COL19A1: variants seen among roughly 807,000 people sequenced by gnomAD.
COL19A1 encodes collagen type XIX alpha 1 chain.
Under a neutral mutation model 190.2 loss-of-function variants are expected in COL19A1, and 159 were observed. The observed-to-expected ratio is 0.84, with a 90% CI of 0.73 to 0.95. The LOEUF (loss-of-function observed/expected upper bound fraction) is 0.95. Among genes scored for constraint, COL19A1 ranks in the 40% least tolerant of loss-of-function variants. The pLI is 0.00. For synonymous variants in COL19A1, 509 were observed against 458.9 expected (o/e 1.11, Z -1.39); for missense variants, 1,418 against 1,431.9 (o/e 0.99, Z 0.16).
At chr6:69,901,977 G>C (rs1770221390) in intron 4 of COL19A1, among the ~76,000 whole-genome samples, 1 of 152,216 alleles carries the variant, frequency 6.6e-6, no homozygotes, top group East Asian at 1.9e-4. Flanking sequence ...TATTAGGCAA[G>C]ACTTGGAATT....
Position 70,145,106 on chromosome 6 carries a change from G to A in COL19A1, c.1770+99G>A, listed in dbSNP as rs1179327560. The A allele has an allele frequency of 5.5e-6, 5 of 906,186 alleles. No individual in the cohort carries two copies. The South Asian group carries it at 6.0e-5, about 11-fold the overall frequency. The allele number at this position is 906,186 out of a possible 1,614,324, so 56.1% of individuals were successfully genotyped here. A position where few individuals can be genotyped will look rare whatever the true frequency, so the allele number is the denominator to read the frequency against. ...ATCACAAGTATGGGAATAAGTTTAG[G>A]TCTGCAAAAAAAGGAAAAAAGAACT... On this transcript the variant is annotated intron_variant, in intron 25 of 50. Transcript: ENST00000620364.
rs1233569269 is a variant in COL19A1 at position 70,123,219 on chromosome 6, A to T, written c.1341+1277A>T. 4.6e-5 allele frequency among the ~76,000 whole-genome samples: 7 copies of T among 152,180 alleles called. No individual in the cohort carries two copies. The East Asian group carries it at 1.3e-3, about 29-fold the overall frequency. On this transcript the variant is annotated intron_variant, in intron 17 of 50. Transcript: ENST00000620364. Reference sequence around the variant, plus strand: ...AACATATGAAAAAATGCTCACCATCACTGGCCATCAGAGAAATGCAAATCA... The same window carrying T: ...AACATATGAAAAAATGCTCACCATCTCTGGCCATCAGAGAAATGCAAATCA...
chr6:70,060,235 G>A (rs1023362807), intron 14 of COL19A1, among the ~76,000 whole-genome samples: 1 of 152,188 alleles, frequency 6.6e-6, no homozygotes, highest in Non-Finnish European at 1.5e-5. Flanking sequence ...ATTATATAAA[G>A]AGCAGATGCC....
chr6:70,180,230 CA>C, intron 42 of COL19A1, 81 bp from the exon 43 acceptor site: 1 of 1,516,898 alleles, frequency 6.6e-7, no homozygotes, highest in Admixed American at 1.7e-5. Context: ...ACTATAAACT[CA>C]ATTGGGGTTG....
At chr6:70,130,673 C>A (rs558466233) in intron 18 of COL19A1, among the ~76,000 whole-genome samples, 352 of 152,362 alleles carry the variant, frequency 2.3e-3, no homozygotes, top group Non-Finnish European at 3.8e-3. Flanking sequence ...CCGCCTGCCT[C>A]CTGACCAGGC....
At chr6:70,195,248 G>T (rs1429541321) in intron 48 of COL19A1, among the ~76,000 whole-genome samples, 1 of 150,702 alleles carries the variant, frequency 6.6e-6, no homozygotes, top group Non-Finnish European at 1.5e-5. Flanking sequence ...CAACTCTGTT[G>T]TTCAGTTTGT....
intron 4 of COL19A1, among the ~76,000 whole-genome samples, chr6:69,911,426 A>G (rs1461502857): frequency 6.6e-6 from 1 of 152,172 alleles, no homozygotes; most frequent in Non-Finnish European, 1.5e-5. Flanking sequence ...ATAATTTTAG[A>G]CTAAAGTAAT....
chr6:69,926,246 A>C (rs146373214), intron 4 of COL19A1, among the ~76,000 whole-genome samples: 47 of 152,262 alleles, frequency 3.1e-4, no homozygotes, highest in Middle Eastern at 3.4e-3. Context: ...ATTAGAAGAT[A>C]TGCAAAAAGA....
chr6:69,970,409 A>G (rs557064593), intron 11 of COL19A1, among the ~76,000 whole-genome samples: 64 of 152,328 alleles, frequency 4.2e-4, no homozygotes, highest in African/African-American at 1.4e-3. Flanking sequence ...AAGAAACACA[A>G]TATATCAAAT....
At chr6:70,000,935 T>C (rs143442070) in intron 11 of COL19A1, among the ~76,000 whole-genome samples, 25 of 152,332 alleles carry the variant, frequency 1.6e-4, no homozygotes, top group African/African-American at 5.8e-4. Context: ...CATCATGAAG[T>C]CTTTGCCCAT....
At chr6:69,908,554 G>A (rs906859181) in intron 4 of COL19A1, among the ~76,000 whole-genome samples, 1 of 152,020 alleles carries the variant, frequency 6.6e-6, no homozygotes, top group South Asian at 2.1e-4. Flanking sequence ...ATAGTCAAAA[G>A]CACCTATTTT....
intron 1 of COL19A1, among the ~76,000 whole-genome samples, chr6:69,868,498 A>C (rs532002615): frequency 9.8e-5 from 15 of 152,288 alleles, no homozygotes; most frequent in Middle Eastern, 3.4e-3. Flanking sequence ...GGAGAAAGTA[A>C]CTGTCAGGTG....
intron 2 of COL19A1, among the ~76,000 whole-genome samples, chr6:69,880,662 G>T (rs910113090): frequency 6.6e-6 from 1 of 152,118 alleles, no homozygotes; most frequent in Non-Finnish European, 1.5e-5. Context: ...TTGGCAGAAG[G>T]TGCATTTCCT....
chr6:70,002,236 G>T (rs907703540), intron 11 of COL19A1, among the ~76,000 whole-genome samples: 1 of 152,128 alleles, frequency 6.6e-6, no homozygotes, highest in Non-Finnish European at 1.5e-5. Context: ...TGGTGGATAC[G>T]TTTTTTGATG....
chr6:70,028,156 T>C (rs559741529), intron 12 of COL19A1, among the ~76,000 whole-genome samples: 1 of 152,164 alleles, frequency 6.6e-6, no homozygotes, highest in South Asian at 2.1e-4. Flanking sequence ...GGCATACAAA[T>C]ATATTAACGT....
chr6:70,129,382 A>G (rs1405604762), intron 17 of COL19A1, among the ~76,000 whole-genome samples: 1 of 152,248 alleles, frequency 6.6e-6, no homozygotes, highest in East Asian at 1.9e-4. Flanking sequence ...CAAATTGGCC[A>G]ATTTCACCTG....
At chr6:70,178,400 C>T (rs1389840555) in intron 42 of COL19A1, among the ~76,000 whole-genome samples, 1 of 152,010 alleles carries the variant, frequency 6.6e-6, no homozygotes, top group Non-Finnish European at 1.5e-5. Context: ...AATAAAAGCA[C>T]TGACTGACAA....
chr6:69,977,362 A>G (rs561719434), intron 11 of COL19A1, among the ~76,000 whole-genome samples: 2 of 137,540 alleles, frequency 1.5e-5, no homozygotes, highest in African/African-American at 2.7e-5. Flanking sequence ...GAGTTGAACA[A>G]TGAGAACACA....
intron 1 of COL19A1, among the ~76,000 whole-genome samples, chr6:69,873,172 T>C (rs1767939007): frequency 6.6e-6 from 1 of 151,988 alleles, no homozygotes; most frequent in Non-Finnish European, 1.5e-5. Flanking sequence ...AGTTAGGAGT[T>C]TACAGAGCTA....
Sources: gnomAD v4.1 joint callset for allele counts (sites outside exome capture counted in the v4.1 genomes callset) on GRCh38, gnomAD v4.1.1 for gene constraint, MANE v1.5 for transcripts, NCBI Gene and HGNC (gene_info 2026-07-23, HGNC 2026-07-21) for gene names.